UBTD2: variants seen among roughly 807,000 people sequenced by gnomAD.
The protein encoded by UBTD2 is ubiquitin domain-containing protein 2.
In UBTD2, 9 loss-of-function variants were observed where a neutral mutation model predicts 19.8. The observed-to-expected ratio is 0.46, with a 90% CI of 0.27 to 0.79. UBTD2 has a LOEUF of 0.79. Ranked by LOEUF, UBTD2 falls within the 30% of genes least tolerant of loss-of-function variation. UBTD2 has a pLI of 0.14. For synonymous variants in UBTD2, 98 were observed against 103.9 expected (o/e 0.94, Z 0.35); for missense variants, 250 against 300.4 (o/e 0.83, Z 1.24).
rs115761161 is a variant in UBTD2 at position 172,235,415 on chromosome 5, A to G, written c.71-1057T>C. 6.2e-3 allele frequency among the ~76,000 whole-genome samples: 937 copies of G among 152,288 alleles called. 8 individuals are homozygous for G. Among genetic ancestry groups the G allele is most frequent in the African/African-American group, 0.022 (900 of 41,546 alleles). On this transcript the variant is annotated intron_variant, in intron 1 of 2. Transcript: ENST00000393792. ...GGACTTTAGTCAAGGAACTGTAAAT[A>G]CCTTTCTCTGGAACTCAAACAGGAA... is the stretch of plus-strand genomic sequence containing the variant.
Position 172,242,552 on chromosome 5 carries a change from G to A in UBTD2, c.71-8194C>T, listed in dbSNP as rs184502296. ...ACCTATAAATAGGAAGTTAGGTTTA[G>A]AAGCTTTATTAGAGTCAAGTAAAAC... On this transcript the variant is annotated intron_variant, in intron 1 of 2. Coordinates refer to ENST00000393792, the MANE Select transcript of UBTD2 (RefSeq NM_152277.3). 1.2e-5 allele frequency: 5 copies of A among 431,358 alleles called. No individual in the cohort carries two copies. In the Admixed American group the frequency reaches 3.2e-4, roughly 28 times the overall value. The allele number at this position is 431,358 out of a possible 1,614,324, so 26.7% of individuals were successfully genotyped here. A position where few individuals can be genotyped will look rare whatever the true frequency, so the allele number is the denominator to read the frequency against.
chr5:172,275,071 A>C, intron 1 of UBTD2, among the ~76,000 whole-genome samples: 1 of 152,182 alleles, frequency 6.6e-6, no homozygotes, highest in Non-Finnish European at 1.5e-5. Flanking sequence ...GGTAATTTAT[A>C]AAGGAAAGAA....
chr5:172,274,173 C>T (rs1755560863), intron 1 of UBTD2, among the ~76,000 whole-genome samples: 1 of 140,554 alleles, frequency 7.1e-6, no homozygotes. Context: ...CGGAGCCTCG[C>T]TGTGTCGCCA....
intron 1 of UBTD2, among the ~76,000 whole-genome samples, chr5:172,243,417 A>C (rs1465589367): frequency 6.6e-6 from 1 of 151,982 alleles, no homozygotes; most frequent in African/African-American, 2.4e-5. Context: ...TAGAGAAGAG[A>C]GATGATTTTT....
intron 2 of UBTD2, among the ~76,000 whole-genome samples, chr5:172,230,357 A>C (rs943142676): frequency 4.5e-5 from 6 of 134,574 alleles, no homozygotes; most frequent in Non-Finnish European, 6.4e-5. Flanking sequence ...TTAGAAAATG[A>C]TCAAAATCTT....
At chr5:172,213,007 T>C (rs1771479900) in intron 2 of UBTD2, among the ~76,000 whole-genome samples, 1 of 150,354 alleles carries the variant, frequency 6.7e-6, no homozygotes, top group South Asian at 2.1e-4. Context: ...TTCTTTCTTT[T>C]TGAGACAGAG....
intron 1 of UBTD2, among the ~76,000 whole-genome samples, chr5:172,252,154 C>T (rs1755038333): frequency 6.6e-6 from 1 of 152,242 alleles, no homozygotes. Context: ...CAGGACTATT[C>T]TGCCTCCTGG....
chr5:172,258,676 C>T (rs1191744950), intron 1 of UBTD2, among the ~76,000 whole-genome samples: 1 of 152,100 alleles, frequency 6.6e-6, no homozygotes, highest in Non-Finnish European at 1.5e-5. Flanking sequence ...TTTCACTTCC[C>T]GCGTTGGCTG....
intron 1 of UBTD2, among the ~76,000 whole-genome samples, chr5:172,244,682 G>T (rs1401873709): frequency 6.6e-6 from 1 of 151,982 alleles, no homozygotes; most frequent in African/African-American, 2.4e-5. Flanking sequence ...TCTCCCTACT[G>T]ATTATGCCCA....
chr5:172,214,011 CCT>C (rs1329873459), intron 2 of UBTD2, among the ~76,000 whole-genome samples: 2 of 152,224 alleles, frequency 1.3e-5, no homozygotes, highest in African/African-American at 2.4e-5. Context: ...TTCTTGAACT[CCT>C]GACCTAGGTG....
intron 1 of UBTD2, among the ~76,000 whole-genome samples, chr5:172,252,759 A>G (rs1394352883): frequency 6.6e-6 from 1 of 152,132 alleles, no homozygotes; most frequent in African/African-American, 2.4e-5. Flanking sequence ...CTTCTCCTTT[A>G]ATGGGTTTTT....
intron 1 of UBTD2, among the ~76,000 whole-genome samples, chr5:172,263,813 A>C (rs894762831): frequency 1.4e-5 from 2 of 145,820 alleles, no homozygotes; most frequent in African/African-American, 5.1e-5. Flanking sequence ...ACAAAATCTT[A>C]AGTAATAAAT....
intron 2 of UBTD2, among the ~76,000 whole-genome samples, chr5:172,231,107 T>A (rs778807644): frequency 6.6e-6 from 1 of 152,054 alleles, no homozygotes; most frequent in Non-Finnish European, 1.5e-5. Flanking sequence ...AAACATGTAA[T>A]TACACAAAAA....
intron 2 of UBTD2, among the ~76,000 whole-genome samples, chr5:172,219,285 A>G (rs1433975555): frequency 6.6e-6 from 1 of 152,204 alleles, no homozygotes; most frequent in Non-Finnish European, 1.5e-5. Context: ...CCCTTTACTC[A>G]CAGTTTTGCT....
At position 172,211,461 on chromosome 5, in the gene UBTD2, A is replaced by G. The variant is rs994447599; in HGVS notation, c.*369T>C. ...ATAATTTGATATATTTTTCTAAAAA[A>G]ATTCTGTATTCAAAAAGGTGCTTGG... On this transcript the variant is annotated 3_prime_UTR_variant, in exon 3 of 3. Coordinates refer to ENST00000393792, the MANE Select transcript of UBTD2 (RefSeq NM_152277.3). 5.4e-5 allele frequency: 9 copies of G among 166,840 alleles called. No individual in the cohort carries two copies. In the East Asian group the frequency reaches 1.5e-3, roughly 28 times the overall value. The allele number at this position is 166,840 out of a possible 1,614,324, so 10.3% of individuals were successfully genotyped here. A position where few individuals can be genotyped will look rare whatever the true frequency, so the allele number is the denominator to read the frequency against.
intron 1 of UBTD2, among the ~76,000 whole-genome samples, chr5:172,267,260 T>C (rs1365996680): frequency 6.6e-6 from 1 of 152,216 alleles, no homozygotes; most frequent in Non-Finnish European, 1.5e-5. Flanking sequence ...TGAGACATGT[T>C]AGCTTACGCC....
chr5:172,227,816 G>T (rs1458214185), intron 2 of UBTD2, among the ~76,000 whole-genome samples: 1 of 149,778 alleles, frequency 6.7e-6, no homozygotes, highest in Non-Finnish European at 1.5e-5. Flanking sequence ...GAGTAGCTGG[G>T]ATTACAGGCA....
At chr5:172,257,170 C>A (rs2113086440) in intron 1 of UBTD2, among the ~76,000 whole-genome samples, 1 of 152,296 alleles carries the variant, frequency 6.6e-6, no homozygotes, top group Admixed American at 6.5e-5. Context: ...GTCCCAGTGA[C>A]TACTGTTTCC....
chr5:172,277,783 G>A (rs1452131134), intron 1 of UBTD2, among the ~76,000 whole-genome samples: 8 of 148,144 alleles, frequency 5.4e-5, no homozygotes, highest in African/African-American at 2.0e-4. Flanking sequence ...ACAGAATGGG[G>A]GAAAATATCT....
Sources: allele counts gnomAD v4.1 joint callset (sites outside exome capture counted in the v4.1 genomes callset), GRCh38; gene constraint gnomAD v4.1.1; transcripts MANE v1.5; gene names NCBI Gene and HGNC (gene_info 2026-07-23, HGNC 2026-07-21).